The following GRM4 variants were observed in gnomAD, a reference collection of about 807,000 sequenced individuals.
The protein encoded by GRM4 is metabotropic glutamate receptor 4.
A neutral mutation model predicts 81.7 loss-of-function variants in GRM4; 28 were observed. The observed-to-expected ratio is 0.34, with a 90% CI of 0.25 to 0.47. The LOEUF (loss-of-function observed/expected upper bound fraction) is 0.47. Among genes scored for constraint, GRM4 ranks in the 20% least tolerant of loss-of-function variants. The pLI is 1.00. For missense variants in GRM4, 948 were observed against 1,290.0 expected, an observed-to-expected ratio of 0.73 and a Z score of 4.06; for synonymous variants, 488 against 528.8, an observed-to-expected ratio of 0.92 and a Z score of 1.06.
rs948651250 is a variant in GRM4, at chr6:34,116,234, G to A, written c.519+16744C>T. 3.9e-5 allele frequency among the ~76,000 whole-genome samples: 6 copies of A among 152,184 alleles called. No homozygotes were observed. In the South Asian group the frequency reaches 8.3e-4, roughly 21 times the overall value. On this transcript the variant is annotated intron_variant, in intron 2 of 10. Transcript: ENST00000538487. ...AGCACCGGCTTCAGGGACAGGCAGC[G>A]CTGCAGGCCTCCCTCCACTGCTTTC...
At chr6:34,091,569 C>A (rs937034) in intron 3 of GRM4, 2 of 355,982 alleles carry the variant, frequency 5.6e-6, no homozygotes, top group South Asian at 1.0e-4. Flanking sequence ...GCCCCTCGTC[C>A]CCACCCCATC....
chr6:34,133,416 C>T lies in GRM4; in HGVS notation c.81G>A (p.Met27Ile), dbSNP rs369574724. Reference protein sequence around the residue: ...CLLLSLYGPWMPSSLGKPKGH... With the variant: ...CLLLSLYGPWIPSSLGKPKGH... The stretch of plus-strand genomic sequence containing the variant: ...CTTTGGGCTTTCCCAGGGAGGAAGG[C>T]ATCCAGGGGCCGTAAAGGCTGAGGA... Residue 27 changes from methionine (M) to isoleucine (I), a missense_variant, in exon 2 of 11, where the codon ATG becomes ATA. Coordinates refer to ENST00000538487, the MANE Select transcript of GRM4 (RefSeq NM_000841.4). This position sits in a 1 kb window ranked among gnomAD's most constrained non-coding sequence, Gnocchi z 6.5. The T allele has an allele frequency of 1.2e-4, 191 of 1,612,852 alleles. No individual in the cohort carries two copies. The highest frequency in any genetic ancestry group is 1.6e-4 in the Non-Finnish European group (184 of 1,179,710).
At chr6:34,037,020 G>A (rs765575823) in intron 8 of GRM4, among the ~76,000 whole-genome samples, 6 of 152,172 alleles carry the variant, frequency 3.9e-5, no homozygotes, top group Non-Finnish European at 7.3e-5. Flanking sequence ...TTGTTGGAAA[G>A]GCAAATTCCA....
intron 6 of GRM4, among the ~76,000 whole-genome samples, chr6:34,044,465 C>T (rs796631200): frequency 2.1e-5 from 3 of 144,928 alleles, no homozygotes; most frequent in Non-Finnish European, 3.0e-5. Context: ...GACACACACA[C>T]AGACATACAT....
rs112073203 is a variant in GRM4 at position 34,077,783 on chromosome 6, G to A, written c.736+14100C>T. ...CAAGTCAGCTCCATCTGTTCTTAAG[G>A]ATTCAGCTCGGGCCTCCTCCTCCAG... On this transcript the variant is annotated intron_variant, in intron 3 of 10. Coordinates refer to ENST00000538487, the MANE Select transcript of GRM4 (RefSeq NM_000841.4). Among the ~76,000 whole-genome samples the A allele has an allele frequency of 4.1e-3, 620 of 152,240 alleles. 3 individuals are homozygous for A. The highest frequency in any genetic ancestry group is 9.7e-3 in the African/African-American group (404 of 41,528).
In GRM4 at chr6:34,047,456, C is replaced by T. The variant is rs867226556; in HGVS notation, c.1169-6708G>A. Among the ~76,000 whole-genome samples, 9 of 152,252 alleles carry T rather than the reference C, an allele frequency of 5.9e-5. No homozygotes were observed. In the South Asian group the frequency reaches 1.9e-3, roughly 32 times the overall value. ...GTCCTGTTCCCGAGTCCAGGCTCACCATCCCACAAGCCCCCAAATTCCCAG... is the reference window on the plus strand; with the variant it reads ...GTCCTGTTCCCGAGTCCAGGCTCACTATCCCACAAGCCCCCAAATTCCCAG... On this transcript the variant is annotated intron_variant, in intron 6 of 10. Coordinates refer to ENST00000538487, the MANE Select transcript of GRM4 (RefSeq NM_000841.4). This position sits in a 1 kb window ranked among gnomAD's most constrained non-coding sequence, Gnocchi z 4.5.
intron 1 of GRM4, among the ~76,000 whole-genome samples, chr6:34,151,659 C>G (rs111315580): frequency 0.045 from 6,862 of 152,090 alleles, 444 homozygotes; most frequent in African/African-American, 0.14. Context: ...CCTGGGAGGC[C>G]AGTGTCCTTG....
At chr6:34,147,432 A>G (rs1020216810), upstream of GRM4, among the ~76,000 whole-genome samples, 1 of 152,206 alleles carries the variant, frequency 6.6e-6, no homozygotes, top group South Asian at 2.1e-4. Context: ...AGGGAACTCA[A>G]GTTATTCCTG....
In GRM4 at chr6:34,051,818, G is replaced by C. The variant is rs374338111; in HGVS notation, c.1168+4726C>G. On this transcript the variant is annotated intron_variant, in intron 6 of 10. Coordinates refer to ENST00000538487, the MANE Select transcript of GRM4 (RefSeq NM_000841.4). ...CCATGAGGGAGGTAGCACTCTGCTG[G>C]GGATGGAGCTCTTGGGAGAATGGGA... Among the ~76,000 whole-genome samples the C allele has an allele frequency of 2.5e-4, 38 of 152,266 alleles. 1 individual carries two copies. The East Asian group carries it at 7.1e-3, about 29-fold the overall frequency.
intron 10 of GRM4, 106 bp downstream of exon 10, chr6:34,028,014 G>C: frequency 7.9e-7 from 1 of 1,266,412 alleles, no homozygotes; most frequent in Non-Finnish European, 1.1e-6. Context: ...CCCCAGGATG[G>C]GGCATCGGGG....
upstream of GRM4, among the ~76,000 whole-genome samples, chr6:34,148,548 T>C (rs1770987563): frequency 1.3e-5 from 2 of 152,108 alleles, no homozygotes; most frequent in African/African-American, 4.8e-5. Flanking sequence ...AGGAGTCATG[T>C]TTCAAGGGAC....
chr6:34,112,180 C>T (rs1446495379), intron 2 of GRM4, among the ~76,000 whole-genome samples: 4 of 152,190 alleles, frequency 2.6e-5, no homozygotes, highest in African/African-American at 4.8e-5. Context: ...TGTCCATCCC[C>T]CCACCTTCCA....
chr6:34,125,175 G>C (rs185800211), intron 2 of GRM4, among the ~76,000 whole-genome samples: 1 of 152,046 alleles, frequency 6.6e-6, no homozygotes, highest in African/African-American at 2.4e-5. Context: ...GGGTTTCACC[G>C]TGTTCACCAG....
rs558844953 is a variant in GRM4 at position 34,022,503 on chromosome 6, C to T, written c.*318G>A. ...GGGTCGCCAACAGCACAGACAGAGA[C>T]GAAGGGAGGGAGAGATCTAGCACTG... On this transcript the variant is annotated 3_prime_UTR_variant, in exon 11 of 11. Transcript: ENST00000538487. The surrounding 1 kb of genome is among the most constrained non-coding windows in gnomAD (Gnocchi z 5.6). The T allele has an allele frequency of 1.8e-4, 73 of 409,180 alleles. 1 individual carries two copies. The highest frequency in any genetic ancestry group is 9.9e-4 in the Admixed American group (26 of 26,248). The allele number at this position is 409,180 out of a possible 1,614,324, so 25.3% of individuals were successfully genotyped here. A position where few individuals can be genotyped will look rare whatever the true frequency, so the allele number is the denominator to read the frequency against.
At chr6:34,038,049 G>C (rs2499673) in intron 8 of GRM4, among the ~76,000 whole-genome samples, 2 of 151,948 alleles carry the variant, frequency 1.3e-5, no homozygotes, top group Non-Finnish European at 2.9e-5. Context: ...CTGCAGGAAT[G>C]TGGAGGCGAG....
Position 34,022,143 on chromosome 6 carries a change from T to G in GRM4, c.*678A>C, listed in dbSNP as rs1760050114. 6.5e-6 allele frequency: 1 copy of G among 154,158 alleles called. No homozygotes were observed. The highest frequency in any genetic ancestry group is 1.4e-5 in the Non-Finnish European group (1 of 69,024). 9.5% of individuals were successfully genotyped at this position (154,158 alleles called of 1,614,324 possible). A position where few individuals can be genotyped will look rare whatever the true frequency, so the allele number is the denominator to read the frequency against. The stretch of plus-strand genomic sequence containing the variant: ...ACACACTCGAGATTTGTTTTCGTTT[T>G]GGCTTTTTTGTGTTTTGATTTTTTT... On this transcript the variant is annotated 3_prime_UTR_variant, in exon 11 of 11. Transcript: ENST00000538487. The surrounding 1 kb of genome is among the most constrained non-coding windows in gnomAD (Gnocchi z 5.6).
intron 3 of GRM4, among the ~76,000 whole-genome samples, chr6:34,087,424 A>G (rs1387935172): frequency 6.6e-6 from 1 of 151,614 alleles, no homozygotes; most frequent in Non-Finnish European, 1.5e-5. Context: ...ATCTCAAAAA[A>G]AAAAAAAAAA....
Position 34,035,928 on chromosome 6 carries a change from C to T in GRM4, c.2182G>A (p.Asp728Asn), listed in dbSNP as rs1764679082. Residue 728 changes from aspartate to asparagine, a missense_variant, in exon 9 of 11, where the codon GAC becomes AAC. By Grantham distance (23) the Asp-to-Asn change is conservative. Coordinates refer to ENST00000538487, the MANE Select transcript of GRM4 (RefSeq NM_000841.4). This position sits in a 1 kb window ranked among gnomAD's most constrained non-coding sequence, Gnocchi z 6.6. ...FVVDPSHSVV[D>N]FQDQRTLDPR... ...TCGAGTGTCCGCTGGTCCTGGAAGT[C>T]CACCACCGAGTGGGAGGGGTCCACC... 1 of 1,610,244 alleles carries T rather than the reference C, an allele frequency of 6.2e-7. No individual in the cohort carries two copies. The highest frequency in any genetic ancestry group is 1.3e-5 in the African/African-American group (1 of 74,864).
chr6:34,108,937 G>A (rs901890381), intron 2 of GRM4, among the ~76,000 whole-genome samples: 1 of 152,132 alleles, frequency 6.6e-6, no homozygotes, highest in Non-Finnish European at 1.5e-5. Flanking sequence ...GTCTATTCCA[G>A]GGGACCCACC....
Sources: gnomAD v4.1 joint callset for allele counts (sites outside exome capture counted in the v4.1 genomes callset) on GRCh38, gnomAD v4.1.1 for gene constraint, Gnocchi (gnomAD v3.1) non-coding constraint, MANE v1.5 for transcripts, NCBI Gene and HGNC (gene_info 2026-07-23, HGNC 2026-07-21) for gene names.